The following AFG2A variants were observed in gnomAD, a reference collection of about 807,000 sequenced individuals.
AFG2A encodes ATPase family gene 2 protein homolog A.
At chr4:123,166,112 C>T in the AFG2A span, among the ~76,000 whole-genome samples, 1 of 152,114 alleles carries the variant, frequency 6.6e-6, no homozygotes, top group African/African-American at 2.4e-5. Flanking sequence ...TGAGTGTCAA[C>T]TTGATGGCAT....
chr4:122,948,396 A>ACACACC, the AFG2A span, among the ~76,000 whole-genome samples: 1 of 141,752 alleles, frequency 7.1e-6, no homozygotes, highest in Non-Finnish European at 1.6e-5. Context: ...ATACACACAC[A>ACACACC]CACACACACA....
the AFG2A span, among the ~76,000 whole-genome samples, chr4:123,268,842 A>T: frequency 6.6e-6 from 1 of 152,220 alleles, no homozygotes; most frequent in Non-Finnish European, 1.5e-5. Context: ...TAGTGAAGAG[A>T]ATTCCCAGAG....
the AFG2A span, among the ~76,000 whole-genome samples, chr4:122,960,289 T>C: frequency 6.6e-6 from 1 of 152,208 alleles, no homozygotes; most frequent in Non-Finnish European, 1.5e-5. Flanking sequence ...ATTAACAACA[T>C]AGATAAGCAT....
chr4:123,186,505 C>A, the AFG2A span, among the ~76,000 whole-genome samples: 1 of 152,226 alleles, frequency 6.6e-6, no homozygotes, highest in East Asian at 1.9e-4. Context: ...TGAATGCCTT[C>A]TTTTCTTAAA....
the AFG2A span, among the ~76,000 whole-genome samples, chr4:123,190,679 A>C: frequency 6.6e-6 from 1 of 152,256 alleles, no homozygotes; most frequent in African/African-American, 2.4e-5. Context: ...GAAGGAGATT[A>C]GGTGCTACTA....
the AFG2A span, among the ~76,000 whole-genome samples, chr4:123,223,432 G>C: frequency 2.0e-5 from 3 of 152,114 alleles, no homozygotes; most frequent in Admixed American, 6.6e-5. Flanking sequence ...CTGAGATGGG[G>C]TAATTTATAA....
the AFG2A span, among the ~76,000 whole-genome samples, chr4:123,104,216 CATT>C: frequency 6.6e-6 from 1 of 152,064 alleles, no homozygotes; most frequent in African/African-American, 2.4e-5. Context: ...CAATCTTCCT[CATT>C]ATTATTATTA....
the AFG2A span, among the ~76,000 whole-genome samples, chr4:123,096,565 T>G: frequency 4.6e-5 from 7 of 152,146 alleles, no homozygotes; most frequent in Non-Finnish European, 1.0e-4. Flanking sequence ...CTCAAAATAG[T>G]TTTAATTCTG....
At chr4:123,007,896 C>T in the AFG2A span, among the ~76,000 whole-genome samples, 1 of 151,802 alleles carries the variant, frequency 6.6e-6, no homozygotes, top group Middle Eastern at 3.2e-3. Context: ...TTATTGGTTT[C>T]CCTTTTCTCA....
chr4:122,936,150 C>T, the AFG2A span: 3 of 1,596,930 alleles, frequency 1.9e-6, no homozygotes, highest in Non-Finnish European at 2.6e-6. Context: ...GCTGAAGCCA[C>T]TCTACGGTAC....
the AFG2A span, chr4:123,056,266 AGGGATTAATAAGCAGAT>A: frequency 2.3e-6 from 2 of 859,860 alleles, no homozygotes; most frequent in Non-Finnish European, 3.4e-6. Flanking sequence ...AGCATGCTAA[AGGGATTAATAAGCAGAT>A]TTTGTTTATT....
At chr4:123,154,897 T>C in the AFG2A span, among the ~76,000 whole-genome samples, 1 of 152,152 alleles carries the variant, frequency 6.6e-6, no homozygotes, top group Non-Finnish European at 1.5e-5. Flanking sequence ...ACAGATGATT[T>C]TGACAAACAT....
the AFG2A span, among the ~76,000 whole-genome samples, chr4:123,018,741 C>G: frequency 6.6e-6 from 1 of 151,818 alleles, no homozygotes; most frequent in Non-Finnish European, 1.5e-5. Context: ...TCAAGCGAGT[C>G]TCCTGCCTCA....
chr4:123,157,641 G>A, the AFG2A span, among the ~76,000 whole-genome samples: 84 of 152,254 alleles, frequency 5.5e-4, no homozygotes, highest in South Asian at 0.011. Flanking sequence ...GAGATTGAGC[G>A]TGTTCGGGGT....
the AFG2A span, among the ~76,000 whole-genome samples, chr4:123,236,463 CTTA>C: frequency 6.6e-6 from 1 of 152,072 alleles, no homozygotes; most frequent in Non-Finnish European, 1.5e-5. Flanking sequence ...GTGATATTTG[CTTA>C]TTATGTTTTA....
the AFG2A span, among the ~76,000 whole-genome samples, chr4:123,015,816 C>A: frequency 2.5e-4 from 12 of 47,460 alleles, no homozygotes; most frequent in Admixed American, 7.5e-4. Context: ...GGGGGCTGAC[C>A]CCCCCACCTC....
the AFG2A span, chr4:123,028,360 GC>G: frequency 6.2e-7 from 1 of 1,614,122 alleles, no homozygotes; most frequent in Non-Finnish European, 8.5e-7. Flanking sequence ...AAAGGCTTTG[GC>G]CAATGAGAGT....
chr4:122,979,151 A>G, the AFG2A span: 4 of 1,503,074 alleles, frequency 2.7e-6, no homozygotes, highest in Non-Finnish European at 3.6e-6. Context: ...TTGCCACTCC[A>G]GATGGGCCAC....
chr4:122,939,528 G>A, the AFG2A span, among the ~76,000 whole-genome samples: 1 of 152,012 alleles, frequency 6.6e-6, no homozygotes, highest in African/African-American at 2.4e-5. Context: ...GCTGGATTAT[G>A]AATAAGTAAA....
Sources: gnomAD v4.1 joint callset for allele counts (sites outside exome capture counted in the v4.1 genomes callset) on GRCh38, gnomAD v4.1.1 for gene constraint, MANE v1.5 for transcripts, NCBI Gene and HGNC (gene_info 2026-07-23, HGNC 2026-07-21) for gene names.